The following LOC400499 variants were observed in gnomAD, a reference collection of about 807,000 sequenced individuals.
chr16:11,471,728 C>T, the LOC400499 span: 37 of 399,160 alleles, frequency 9.3e-5, no homozygotes, highest in African/African-American at 7.6e-4. Context: ...AGCGTCACGG[C>T]CGCGAACACA....
At chr16:11,452,205 G>GTTTTTTTTTTTTT in the LOC400499 span, among the ~76,000 whole-genome samples, 2 of 89,792 alleles carry the variant, frequency 2.2e-5, no homozygotes, top group African/African-American at 3.5e-5. Flanking sequence ...TTTTTTGTTT[G>GTTTTTTTTTTTTT]TTTTTTTTTT....
the LOC400499 span, among the ~76,000 whole-genome samples, chr16:11,504,991 C>G: frequency 0.066 from 10,021 of 152,064 alleles, 913 homozygotes; most frequent in African/African-American, 0.2. Flanking sequence ...TATGTTCCAG[C>G]AACTGGTCTA....
At chr16:11,384,810 C>A in the LOC400499 span, 57 of 1,199,260 alleles carry the variant, frequency 4.8e-5, 1 homozygote, top group African/African-American at 8.0e-4. Flanking sequence ...TAGCCCCCTG[C>A]CGCCCTGGAA....
the LOC400499 span, among the ~76,000 whole-genome samples, chr16:11,386,635 C>T: frequency 6.6e-6 from 1 of 152,240 alleles, no homozygotes; most frequent in Non-Finnish European, 1.5e-5. Context: ...ACCTACATTT[C>T]ACGGTGGAGC....
At chr16:11,508,701 G>A in the LOC400499 span, 3 of 398,968 alleles carry the variant, frequency 7.5e-6, no homozygotes, top group Admixed American at 1.3e-4. Flanking sequence ...GCCTGGGGCT[G>A]GAGAAGCCAC....
the LOC400499 span, chr16:11,522,032 C>T: frequency 2.5e-3 from 1,006 of 399,262 alleles, 9 homozygotes; most frequent in African/African-American, 0.018. Context: ...TCCACCAGGA[C>T]GTCCTGCAGG....
At chr16:11,442,000 T>G in the LOC400499 span, among the ~76,000 whole-genome samples, 1 of 152,182 alleles carries the variant, frequency 6.6e-6, no homozygotes, top group Admixed American at 6.5e-5. Flanking sequence ...CACTCAACAA[T>G]CATTTAGCTT....
chr16:11,466,994 C>A, the LOC400499 span, among the ~76,000 whole-genome samples: 1 of 151,854 alleles, frequency 6.6e-6, no homozygotes, highest in Non-Finnish European at 1.5e-5. Context: ...GCTCTGCTAC[C>A]CAAACTGGAG....
the LOC400499 span, chr16:11,390,242 C>G: frequency 8.1e-7 from 1 of 1,232,632 alleles, no homozygotes; most frequent in Non-Finnish European, 1.0e-6. Flanking sequence ...CTCAGTCATC[C>G]TCACCTGCCA....
the LOC400499 span, chr16:11,460,758 G>A: frequency 2.3e-6 from 3 of 1,299,146 alleles, no homozygotes; most frequent in South Asian, 4.7e-5. Context: ...ACCTGTCGAT[G>A]GGGAGGTGTT....
chr16:11,387,487 G>A, the LOC400499 span, among the ~76,000 whole-genome samples: 2 of 152,156 alleles, frequency 1.3e-5, no homozygotes, highest in African/African-American at 4.8e-5. Context: ...GCATGACAAC[G>A]GAGGTGGTAG....
At chr16:11,394,491 T>A in the LOC400499 span, among the ~76,000 whole-genome samples, 1 of 152,242 alleles carries the variant, frequency 6.6e-6, no homozygotes, top group Non-Finnish European at 1.5e-5. Flanking sequence ...TCACAAAACT[T>A]AACAGGACTT....
the LOC400499 span, among the ~76,000 whole-genome samples, chr16:11,399,006 C>T: frequency 5.3e-5 from 8 of 152,126 alleles, no homozygotes; most frequent in Non-Finnish European, 1.0e-4. Flanking sequence ...GGAACCCAGG[C>T]GGGAGGTCCA....
At chr16:11,382,942 G>GAT in the LOC400499 span, among the ~76,000 whole-genome samples, 7 of 74,768 alleles carry the variant, frequency 9.4e-5, no homozygotes, top group African/African-American at 5.1e-4. Flanking sequence ...GTTCATAAAT[G>GAT]AGATAATTGG....
chr16:11,469,209 A>G, the LOC400499 span: 1 of 399,630 alleles, frequency 2.5e-6, no homozygotes, highest in Non-Finnish European at 4.4e-6. Context: ...ATCCAGCACC[A>G]GCTCCAAGTG....
At chr16:11,392,778 T>A in the LOC400499 span, 220,671 of 965,982 alleles carry the variant, frequency 0.23, 27,718 homozygotes, top group African/African-American at 0.34. Context: ...GTACAGTGGC[T>A]GGATCACAGC....
chr16:11,389,371 T>C, the LOC400499 span, among the ~76,000 whole-genome samples: 2 of 152,128 alleles, frequency 1.3e-5, no homozygotes, highest in Non-Finnish European at 2.9e-5. Flanking sequence ...AGAAGGGTTT[T>C]TGTGTGTTAA....
the LOC400499 span, among the ~76,000 whole-genome samples, chr16:11,456,574 A>G: frequency 6.6e-6 from 1 of 152,194 alleles, no homozygotes; most frequent in Non-Finnish European, 1.5e-5. Flanking sequence ...CACGGCACTC[A>G]TTAAAGATAA....
the LOC400499 span, among the ~76,000 whole-genome samples, chr16:11,438,126 G>C: frequency 6.6e-6 from 1 of 152,160 alleles, no homozygotes; most frequent in Non-Finnish European, 1.5e-5. Context: ...ATAGCATCAT[G>C]AGGTGACCAT....
Sources: allele counts gnomAD v4.1 joint callset (sites outside exome capture counted in the v4.1 genomes callset), GRCh38; gene constraint gnomAD v4.1.1; transcripts MANE v1.5.